The following ATP2A3 variants were observed in gnomAD, a reference collection of about 807,000 sequenced individuals.
ATP2A3 encodes ATPase sarcoplasmic/endoplasmic reticulum Ca2+ transporting 3, also known as sarcoplasmic/endoplasmic reticulum calcium ATPase 3.
A neutral mutation model predicts 106.8 loss-of-function variants in ATP2A3; 61 were observed. The ratio of observed to expected loss-of-function variants is 0.57; its 90% CI spans 0.46 to 0.71. The LOEUF is 0.71. Among genes scored for constraint, ATP2A3 ranks in the 30% least tolerant of loss-of-function variants. The pLI is 0.00. For synonymous variants in ATP2A3, 611 were observed against 609.3 expected, an observed-to-expected ratio of 1.00 and a Z score of -0.04; for missense variants, 1,201 against 1,423.5, an observed-to-expected ratio of 0.84 and a Z score of 2.52.
chr17:3,943,545 G>A, intron 10 of ATP2A3, 23 bp from the exon 11 acceptor site: 1 of 1,613,758 alleles, frequency 6.2e-7, no homozygotes, highest in East Asian at 2.2e-5. Flanking sequence ...CAGGGGATAG[G>A]GAGTGAGGGG....
intron 9 of ATP2A3, 51 bp from the exon 10 acceptor site, chr17:3,944,857 G>C (rs2144548439): frequency 1.3e-6 from 2 of 1,539,934 alleles, no homozygotes; most frequent in Middle Eastern, 2.2e-4. Context: ...CCCCCGAGAG[G>C]GGTCCGCCTC....
In ATP2A3 at chr17:3,953,393, T is replaced by A; in HGVS notation, c.173A>T (p.Glu58Val). The change falls in exon 3 of 21, where the codon GAG becomes GTG. Residue 58 changes from glutamate to valine, a missense_variant. Transcript: ENST00000397041. This position sits in a 1 kb window ranked among gnomAD's most constrained non-coding sequence, Gnocchi z 5.1. ...SLWELVLEQF[E>V]DLLVRILLLA... is the part of the protein sequence containing the mutation. ...CAGCAGGATGCGCACCAGGAGGTCC[T>A]CAAACTGTTCCAGCACCAGCTCCCA... The A allele has an allele frequency of 6.2e-7, 1 of 1,613,972 alleles. No individual in the cohort carries two copies. The highest frequency in any genetic ancestry group is 1.3e-5 in the African/African-American group (1 of 75,034).
At position 3,947,463 on chromosome 17, in the gene ATP2A3, G is replaced by A; in HGVS notation, c.1023C>T (p.Thr341=). 1 of 1,613,866 alleles carries A rather than the reference G, an allele frequency of 6.2e-7. No homozygotes were observed. Among genetic ancestry groups the A allele is most frequent in the Non-Finnish European group, 8.5e-7 (1 of 1,180,046 alleles). ...AIVRSLPSVE[T]LGCTSVICSD... is the part of the protein sequence containing the mutation. ...AGCAGATGACTGAGGTGCAGCCCAG[G>A]GTCTCCACGGACGGCAGGCTTCGCA... is the stretch of plus-strand genomic sequence containing the variant. Residue 341 remains threonine (T), a synonymous_variant, in exon 8 of 21, where the codon ACC becomes ACT. Coordinates refer to ENST00000397041, the MANE Select transcript of ATP2A3 (RefSeq NM_005173.4). This position sits in a 1 kb window ranked among gnomAD's most constrained non-coding sequence, Gnocchi z 7.7.
Position 3,936,515 on chromosome 17 carries a change from G to A in ATP2A3, c.2322-46C>T, listed in dbSNP as rs745630013. On this transcript the variant is annotated intron_variant, in intron 15 of 20. Coordinates refer to ENST00000397041, the MANE Select transcript of ATP2A3 (RefSeq NM_005173.4). The surrounding 1 kb of genome is among the most constrained non-coding windows in gnomAD (Gnocchi z 5.4). ...CTAGCCCCGGTAGGCCTAGCCCCCG[G>A]CAGATGCAGGCTCCAGCTCCTGCTC... 1.0e-5 allele frequency: 16 copies of A among 1,599,534 alleles called. No homozygotes were observed. The highest frequency in any genetic ancestry group is 1.4e-5 in the Non-Finnish European group (16 of 1,168,506).
rs763742670 is a variant in ATP2A3 at position 3,928,293 on chromosome 17, C to T, written c.2980+370G>A. On this transcript the variant is annotated intron_variant, in intron 20 of 20. Coordinates refer to ENST00000397041, the MANE Select transcript of ATP2A3 (RefSeq NM_005173.4). The surrounding 1 kb of genome is among the most constrained non-coding windows in gnomAD (Gnocchi z 6.1). ...TCAGCGGCTGCCTACTCCAGGCCTG[C>T]GAGACTGTCCTGAGAAGGCCTGGAT... 5.0e-5 allele frequency: 80 copies of T among 1,613,096 alleles called. No individual in the cohort carries two copies. Among genetic ancestry groups the T allele is most frequent in the Non-Finnish European group, 6.2e-5 (73 of 1,180,026 alleles).
chr17:3,926,549 T>A lies in ATP2A3; in HGVS notation c.2981-1108A>T, dbSNP rs1597554424. On this transcript the variant is annotated intron_variant, in intron 20 of 20. Transcript: ENST00000397041. This position sits in a 1 kb window ranked among gnomAD's most constrained non-coding sequence, Gnocchi z 4.6. ...TGTTCAATGCCGCTCGCCCACCTCC[T>A]GGTGTTAGTCTCACCCTCTCTTTTT... Among the ~76,000 whole-genome samples the A allele has an allele frequency of 6.6e-6, 1 of 152,166 alleles. No individual in the cohort carries two copies. Among genetic ancestry groups the A allele is most frequent in the Non-Finnish European group, 1.5e-5 (1 of 68,028 alleles).
At chr17:3,944,884 GA>G in intron 9 of ATP2A3, 78 bp from the exon 10 acceptor site, 1 of 880,746 alleles carries the variant, frequency 1.1e-6, no homozygotes. Flanking sequence ...CCGCCCCTAG[GA>G]GGGGGCTCCG....
At chr17:3,956,319 A>G (rs952178046) in intron 1 of ATP2A3, among the ~76,000 whole-genome samples, 7 of 152,198 alleles carry the variant, frequency 4.6e-5, no homozygotes, top group Non-Finnish European at 8.8e-5. Context: ...TTGTGGGCAC[A>G]TAGTAGGAGG....
At chr17:3,934,926 A>G in intron 17 of ATP2A3, 1 of 486,834 alleles carries the variant, frequency 2.1e-6, no homozygotes, top group Non-Finnish European at 3.8e-6. Flanking sequence ...TCCCTTGACA[A>G]AGGTAAGATA....
At position 3,936,263 on chromosome 17, in the gene ATP2A3, T is replaced by C. The variant is rs2053435999; in HGVS notation, c.2524+4A>G. ...ATTCCACGGAGGGCTCAGGCCCCAC[T>C]CACCTCCGATAGCCAGGTATCGGAA... On this transcript the variant is annotated splice_donor_region_variant and intron_variant, in intron 16 of 20. Transcript: ENST00000397041. This position sits in a 1 kb window ranked among gnomAD's most constrained non-coding sequence, Gnocchi z 5.4. 1.2e-6 allele frequency: 2 copies of C among 1,613,528 alleles called. No homozygotes were observed. The highest frequency in any genetic ancestry group is 1.7e-6 in the Non-Finnish European group (2 of 1,179,898).
Position 3,941,455 on chromosome 17 carries a change from C to A in ATP2A3, c.1745G>T (p.Ser582Ile), listed in dbSNP as rs1278160551. 3.1e-6 allele frequency: 5 copies of A among 1,614,126 alleles called. No individual in the cohort carries two copies. In the South Asian group the frequency reaches 5.5e-5, roughly 18 times the overall value. ...ACCCACCTCGTACTGCACAAACTTG[C>A]TGCAGTCGTCCAGCTCCATGTCCTC... The part of the protein sequence containing the change: ...RKEDMELDDC[S>I]KFVQYETDLT... The change falls in exon 13 of 21, where the codon AGC becomes ATC. Residue 582 changes from serine (S) to isoleucine (I), a missense_variant. Physicochemically the swap from Ser to Ile is moderately radical, Grantham distance 142. This residue lies in a region of ATP2A3 where 935 missense variants were observed against 1,176.7 expected (regional missense o/e 0.79). Coordinates refer to ENST00000397041, the MANE Select transcript of ATP2A3 (RefSeq NM_005173.4).
At chr17:3,945,415 G>A in intron 8 of ATP2A3, 1 of 371,202 alleles carries the variant, frequency 2.7e-6, no homozygotes, top group Non-Finnish European at 5.0e-6. Context: ...GTGCTCTGGG[G>A]GCAGTTGCCA....
At chr17:3,945,024 GCCGC>G (rs1567703675) in intron 9 of ATP2A3, 32 bp downstream of exon 9, 1 of 1,471,174 alleles carries the variant, frequency 6.8e-7, no homozygotes. Context: ...CCGCCCCCAG[GCCGC>G]CCGCCCGCGC....
chr17:3,952,063 G>T (rs1402951027), intron 3 of ATP2A3, among the ~76,000 whole-genome samples: 1 of 152,176 alleles, frequency 6.6e-6, no homozygotes, highest in African/African-American at 2.4e-5. Context: ...CTGGGGTGGG[G>T]CCCAGTCACC....
At chr17:3,945,228 T>C (rs1597629453) in intron 8 of ATP2A3, 80 bp from the exon 9 acceptor site, 1 of 1,370,690 alleles carries the variant, frequency 7.3e-7, no homozygotes. Flanking sequence ...CAGGGTGGGG[T>C]CCTGCAGGCC....
chr17:3,961,705 C>A (rs563934189), intron 1 of ATP2A3, among the ~76,000 whole-genome samples: 34 of 152,278 alleles, frequency 2.2e-4, no homozygotes, highest in East Asian at 1.2e-3. Context: ...CCTGACCCAC[C>A]CTGCCACCCA....
chr17:3,951,543 A>ACCCCCCCCCCCCCCCCCCCCCC, intron 4 of ATP2A3, 38 bp downstream of exon 4: 36 of 1,386,982 alleles, frequency 2.6e-5, no homozygotes, highest in South Asian at 3.7e-5. Flanking sequence ...TGGCTGGGAG[A>ACCCCCCCCCCCCCCCCCCCCCC]CCGCCCCCCG....
chr17:3,935,534 AC>A (rs2053391364), intron 16 of ATP2A3, among the ~76,000 whole-genome samples: 1 of 105,850 alleles, frequency 9.4e-6, no homozygotes, highest in African/African-American at 3.6e-5. Flanking sequence ...GCCTGTTGAG[AC>A]TTTTTTTTTT....
Position 3,936,155 on chromosome 17 carries a change from A to T in ATP2A3, c.2524+112T>A. 1 of 1,364,056 alleles carries T rather than the reference A, an allele frequency of 7.3e-7. No homozygotes were observed. The highest frequency in any genetic ancestry group is 1.0e-6 in the Non-Finnish European group (1 of 957,614). The allele number at this position is 1,364,056 out of a possible 1,614,324, so 84.5% of individuals were successfully genotyped here. A position where few individuals can be genotyped will look rare whatever the true frequency, so the allele number is the denominator to read the frequency against. On this transcript the variant is annotated intron_variant, in intron 16 of 20. Transcript: ENST00000397041. The surrounding 1 kb of genome is among the most constrained non-coding windows in gnomAD (Gnocchi z 5.4). Reference sequence around the variant, plus strand: ...GGTCTTTTCCATTACATGAGCTCATACAGTTTCTACTGGCACAAGCCAGGC... The same window carrying T: ...GGTCTTTTCCATTACATGAGCTCATTCAGTTTCTACTGGCACAAGCCAGGC...
Sources: gnomAD v4.1 joint callset for allele counts (sites outside exome capture counted in the v4.1 genomes callset) on GRCh38, gnomAD v4.1.1 for gene constraint, gnomAD v4.1.1 regional missense constraint, Gnocchi (gnomAD v3.1) non-coding constraint, MANE v1.5 for transcripts, NCBI Gene and HGNC (gene_info 2026-07-23, HGNC 2026-07-21) for gene names.